The following SARDH variants were observed in gnomAD, a reference collection of about 807,000 sequenced individuals.
The protein encoded by SARDH is sarcosine dehydrogenase, mitochondrial.
Under a neutral mutation model 109.1 loss-of-function variants are expected in SARDH, and 95 were observed. The ratio of observed to expected loss-of-function variants is 0.87; its 90% CI spans 0.74 to 1.03. The LOEUF is 1.03. Ranked by LOEUF, SARDH falls within the 50% of genes least tolerant of loss-of-function variation. The probability of loss-of-function intolerance (pLI) is 0.00; values close to 1 mark genes in which losing one functional copy is unlikely to be tolerated. For synonymous variants in SARDH, 572 were observed against 534.8 expected (o/e 1.07, Z -0.96); for missense variants, 1,267 against 1,287.8 (o/e 0.98, Z 0.25).
intron 6 of SARDH, among the ~76,000 whole-genome samples, chr9:133,726,102 G>T (rs748341368): frequency 3.9e-5 from 6 of 152,140 alleles, no homozygotes; most frequent in Non-Finnish European, 5.9e-5. Context: ...AGCCGGGCAA[G>T]GTGGCTCACA....
rs142819399 is a variant in SARDH, at chr9:133,692,086, C to A, written c.1922-1559G>T. 6.6e-6 allele frequency among the ~76,000 whole-genome samples: 1 copy of A among 152,264 alleles called. No homozygotes were observed. Among genetic ancestry groups the A allele is most frequent in the African/African-American group, 2.4e-5 (1 of 41,546 alleles). On this transcript the variant is annotated intron_variant, in intron 15 of 20. Transcript: ENST00000439388. This position sits in a 1 kb window ranked among gnomAD's most constrained non-coding sequence, Gnocchi z 5.0. Reference sequence around the variant, plus strand: ...ACGAGCAAGGTCCTCATTCCCCAGCCAGGGAAACTGAGGCTCAGGGAGGCT... The same window carrying A: ...ACGAGCAAGGTCCTCATTCCCCAGCAAGGGAAACTGAGGCTCAGGGAGGCT...
At chr9:133,691,169 A>AACACACACACACACACACAC (rs3081171) in intron 15 of SARDH, among the ~76,000 whole-genome samples, 1 of 112,136 alleles carries the variant, frequency 8.9e-6, no homozygotes, top group African/African-American at 3.6e-5. Context: ...CACCTCCCCC[A>AACACACACACACACACACAC]ACACACACAC....
intron 10 of SARDH, among the ~76,000 whole-genome samples, chr9:133,710,168 T>C (rs1379219451): frequency 6.6e-6 from 1 of 152,206 alleles, no homozygotes; most frequent in Non-Finnish European, 1.5e-5. Context: ...TCTGCCTCTG[T>C]TGGGTACTGG....
At chr9:133,691,214 ACG>A (rs1491367645) in intron 15 of SARDH, among the ~76,000 whole-genome samples, 3 of 139,522 alleles carry the variant, frequency 2.2e-5, no homozygotes, top group African/African-American at 5.9e-5. Context: ...ACACACACAC[ACG>A]GCCACTCTCA....
At chr9:133,734,472 T>C (rs1183318713) in intron 1 of SARDH, among the ~76,000 whole-genome samples, 5 of 151,018 alleles carry the variant, frequency 3.3e-5, no homozygotes, top group Non-Finnish European at 7.4e-5. Context: ...CATTCATTCA[T>C]TCATTCATTC....
At chr9:133,674,035 A>G (rs756576377) in intron 17 of SARDH, among the ~76,000 whole-genome samples, 20 of 152,208 alleles carry the variant, frequency 1.3e-4, no homozygotes, top group Non-Finnish European at 2.6e-4. Flanking sequence ...CGGGGGCCAC[A>G]CCTGCTTCCT....
intron 17 of SARDH, among the ~76,000 whole-genome samples, chr9:133,681,928 C>T (rs913065856): frequency 7.9e-5 from 12 of 151,742 alleles, no homozygotes; most frequent in African/African-American, 2.7e-4. Context: ...CCATCCCACA[C>T]GCAGGGACCC....
downstream of SARDH, chr9:133,663,432 A>G: frequency 4.2e-6 from 1 of 237,800 alleles, no homozygotes; most frequent in Non-Finnish European, 8.2e-6. Flanking sequence ...TGTGGCAGAC[A>G]ATGCCAGTCG....
chr9:133,738,068 G>A (rs1001594514), intron 1 of SARDH, among the ~76,000 whole-genome samples, 186 bp downstream of exon 1: 1 of 152,164 alleles, frequency 6.6e-6, no homozygotes, highest in Admixed American at 6.5e-5. Flanking sequence ...GCAGACTTGT[G>A]GGGAGGAGCG....
chr9:133,730,469 T>TA (rs1832639663), intron 4 of SARDH, among the ~76,000 whole-genome samples: 5 of 148,932 alleles, frequency 3.4e-5, no homozygotes, highest in South Asian at 2.1e-4. Flanking sequence ...TGACTTTTTT[T>TA]TAAAAAAAAA....
At chr9:133,679,555 G>A (rs1009666352) in intron 17 of SARDH, among the ~76,000 whole-genome samples, 7 of 152,314 alleles carry the variant, frequency 4.6e-5, no homozygotes, top group African/African-American at 4.8e-5. Context: ...TGGGAACACC[G>A]TGTCTGGCCG....
intron 13 of SARDH, among the ~76,000 whole-genome samples, chr9:133,700,631 C>T (rs1032120851): frequency 6.6e-6 from 1 of 152,102 alleles, no homozygotes; most frequent in Non-Finnish European, 1.5e-5. Flanking sequence ...ATCCCGTGAA[C>T]TCACTAAAAA....
intron 16 of SARDH, among the ~76,000 whole-genome samples, chr9:133,688,511 C>T (rs1830969289): frequency 6.6e-6 from 1 of 152,270 alleles, no homozygotes; most frequent in Admixed American, 6.5e-5. Context: ...GGCCTGCTGG[C>T]CCCCTGCCCG....
Position 133,712,804 on chromosome 9 carries a change from A to G in SARDH, c.1238-95T>C, listed in dbSNP as rs905195213. On this transcript the variant is annotated intron_variant, in intron 9 of 20. Coordinates refer to ENST00000439388, the MANE Select transcript of SARDH (RefSeq NM_001134707.2). The surrounding 1 kb of genome is among the most constrained non-coding windows in gnomAD (Gnocchi z 4.1). ...CCCCATCTCCACGGACAGCACAGAC[A>G]CTCCAAGCTCTGCTCTCACACCTGG... is the stretch of plus-strand genomic sequence containing the variant. The G allele has an allele frequency of 2.4e-6, 3 of 1,225,912 alleles. No homozygotes were observed. Among genetic ancestry groups the G allele is most frequent in the Admixed American group, 3.8e-5 (2 of 52,674 alleles). 75.9% of individuals were successfully genotyped at this position (1,225,912 alleles called of 1,614,324 possible). A position where few individuals can be genotyped will look rare whatever the true frequency, so the allele number is the denominator to read the frequency against.
intron 17 of SARDH, among the ~76,000 whole-genome samples, chr9:133,681,827 A>ATTAGGTGTAT (rs1220247972): frequency 6.6e-6 from 1 of 152,120 alleles, no homozygotes; most frequent in Non-Finnish European, 1.5e-5. Flanking sequence ...TTATGCGTGT[A>ATTAGGTGTAT]GCACCTCCCC....
Position 133,685,808 on chromosome 9 carries a change from C to T in SARDH, c.2070-522G>A, listed in dbSNP as rs141757051. ...TAGAGTAACTTGCCCAAGGCAGAGC[C>T]GGATTGGAGCAGATTCCGGCCTCCT... On this transcript the variant is annotated intron_variant, in intron 16 of 20. Coordinates refer to ENST00000439388, the MANE Select transcript of SARDH (RefSeq NM_001134707.2). Among the ~76,000 whole-genome samples the T allele has an allele frequency of 2.8e-3, 426 of 152,284 alleles. 1 individual carries two copies. Among genetic ancestry groups the T allele is most frequent in the East Asian group, 0.012 (62 of 5,180 alleles).
At chr9:133,669,940 T>G (rs890586522) in intron 19 of SARDH, among the ~76,000 whole-genome samples, 1 of 152,200 alleles carries the variant, frequency 6.6e-6, no homozygotes, top group Non-Finnish European at 1.5e-5. Flanking sequence ...CTTTCTCTTT[T>G]GAGACCTGCA....
chr9:133,732,267 G>A (rs1313948867), intron 3 of SARDH, among the ~76,000 whole-genome samples, 156 bp downstream of exon 3: 2 of 147,152 alleles, frequency 1.4e-5, no homozygotes, highest in African/African-American at 5.1e-5. Context: ...CCCCCGCAGG[G>A]GATGCGCACA....
At chr9:133,726,685 C>T (rs1337394743) in intron 6 of SARDH, among the ~76,000 whole-genome samples, 1 of 152,196 alleles carries the variant, frequency 6.6e-6, no homozygotes, top group Admixed American at 6.5e-5. Context: ...CAGTCTGGCC[C>T]TGGTGCCACT....
Sources: gnomAD v4.1 joint callset for allele counts (sites outside exome capture counted in the v4.1 genomes callset) on GRCh38, gnomAD v4.1.1 for gene constraint, Gnocchi (gnomAD v3.1) non-coding constraint, MANE v1.5 for transcripts, NCBI Gene and HGNC (gene_info 2026-07-23, HGNC 2026-07-21) for gene names.